The following PSMD1 variants were observed in gnomAD, a reference collection of about 807,000 sequenced individuals.
The protein encoded by PSMD1 is proteasome 26S subunit, non-ATPase 1.
A neutral mutation model predicts 119.0 loss-of-function variants in PSMD1; 18 were observed. That is an observed-to-expected ratio of 0.15 (90% CI 0.10 to 0.22). PSMD1 has a LOEUF of 0.22. Ranked by LOEUF, PSMD1 falls within the 10% of genes least tolerant of loss-of-function variation. The pLI is 1.00. For missense variants in PSMD1, 702 were observed against 1,158.5 expected (o/e 0.61, Z 5.72); for synonymous variants, 374 against 396.6 (o/e 0.94, Z 0.68).
intron 7 of PSMD1, among the ~76,000 whole-genome samples, chr2:231,075,019 C>A (rs778079426): frequency 3.3e-5 from 5 of 152,174 alleles, no homozygotes; most frequent in Non-Finnish European, 7.4e-5. Context: ...TTTGTGGAGA[C>A]AAGGGTCTCA....
intron 4 of PSMD1, among the ~76,000 whole-genome samples, chr2:231,065,277 T>G (rs558491635): frequency 1.3e-5 from 2 of 149,116 alleles, no homozygotes; most frequent in African/African-American, 2.5e-5. Flanking sequence ...TGTTTTTTTG[T>G]TTTTTTTGTT....
At position 231,135,732 on chromosome 2, in the gene PSMD1, A is replaced by C. The variant is rs561056068; in HGVS notation, c.1884-3004A>C. 2.0e-5 allele frequency among the ~76,000 whole-genome samples: 3 copies of C among 152,262 alleles called. No individual in the cohort carries two copies. In the South Asian group the frequency reaches 6.2e-4, roughly 32 times the overall value. Reference sequence around the variant, plus strand: ...TTTAGCAAAACTAGAACTAGGACCTAGATCTTTAGTTTTCTAATATATTGC... The same window carrying C: ...TTTAGCAAAACTAGAACTAGGACCTCGATCTTTAGTTTTCTAATATATTGC... On this transcript the variant is annotated intron_variant, in intron 16 of 24. Coordinates refer to ENST00000308696, the MANE Select transcript of PSMD1 (RefSeq NM_002807.4).
At chr2:231,077,620 G>A (rs950728830) in intron 9 of PSMD1, among the ~76,000 whole-genome samples, 7 of 151,966 alleles carry the variant, frequency 4.6e-5, no homozygotes, top group African/African-American at 1.7e-4. Flanking sequence ...TGAGAGCAGC[G>A]ATTCTTACCT....
chr2:231,113,841 A>G (rs769030144), intron 16 of PSMD1: 1 of 1,614,166 alleles, frequency 6.2e-7, no homozygotes, highest in Non-Finnish European at 8.5e-7. Context: ...CTGAAATGGC[A>G]CAGAGATGCA....
At chr2:231,066,534 G>A (rs1693913719) in intron 4 of PSMD1, among the ~76,000 whole-genome samples, 1 of 152,168 alleles carries the variant, frequency 6.6e-6, no homozygotes, top group Non-Finnish European at 1.5e-5. Context: ...GGAGTAACAA[G>A]ATAGAAACTT....
chr2:231,124,166 C>T (rs1226507967), intron 16 of PSMD1: 1 of 191,360 alleles, frequency 5.2e-6, no homozygotes, highest in Non-Finnish European at 1.1e-5. Context: ...TTATTTTATT[C>T]ATTTCTGAAA....
rs547062091 is a variant in PSMD1 at position 231,136,420 on chromosome 2, G to A, written c.1884-2316G>A. ...ATGTAGGCCAAATAAAATCTGCTAC[G>A]GGCCAGATTGGGCCCTTGGGCCAAT... is the stretch of plus-strand genomic sequence containing the variant. On this transcript the variant is annotated intron_variant, in intron 16 of 24. Transcript: ENST00000308696. Among the ~76,000 whole-genome samples the A allele has an allele frequency of 5.9e-5, 9 of 152,256 alleles. No homozygotes were observed. The East Asian group carries it at 1.2e-3, about 20-fold the overall frequency.
intron 4 of PSMD1, among the ~76,000 whole-genome samples, chr2:231,064,932 G>T (rs1349611187): frequency 6.6e-6 from 1 of 151,800 alleles, no homozygotes; most frequent in African/African-American, 2.4e-5. Context: ...AAGATTTTGG[G>T]ATTACAGATG....
chr2:231,159,885 G>C (rs753252390), intron 19 of PSMD1, among the ~76,000 whole-genome samples: 1 of 152,188 alleles, frequency 6.6e-6, no homozygotes, highest in Admixed American at 6.5e-5. Flanking sequence ...CATAAGGAAC[G>C]TTCAGCCTAG....
chr2:231,070,245 A>G (rs41311315), intron 6 of PSMD1, 77 bp downstream of exon 6: 16,681 of 1,127,198 alleles, frequency 0.015, 244 homozygotes, highest in Non-Finnish European at 0.014. Context: ...ACATTTTATT[A>G]CTTTATATTA....
chr2:231,109,664 A>G (rs922658989), intron 16 of PSMD1, among the ~76,000 whole-genome samples: 13 of 152,232 alleles, frequency 8.5e-5, no homozygotes, highest in African/African-American at 3.1e-4. Context: ...AAGCTATAGT[A>G]TATCCATGAT....
chr2:231,164,785 G>T (rs748776212), intron 21 of PSMD1, among the ~76,000 whole-genome samples: 1 of 151,672 alleles, frequency 6.6e-6, no homozygotes, highest in Non-Finnish European at 1.5e-5. Context: ...TACAACCAGC[G>T]CTGAAGGAAA....
intron 2 of PSMD1, among the ~76,000 whole-genome samples, chr2:231,061,794 T>C (rs1440235567): frequency 6.6e-6 from 1 of 152,118 alleles, no homozygotes; most frequent in African/African-American, 2.4e-5. Flanking sequence ...AAACTCCTGC[T>C]CCTGGGCTCA....
At chr2:231,085,642 T>G (rs1694413629) in intron 15 of PSMD1, among the ~76,000 whole-genome samples, 1 of 147,236 alleles carries the variant, frequency 6.8e-6, no homozygotes. Context: ...AAGCAAACAA[T>G]CCCCCACCCC....
chr2:231,091,478 CT>C (rs111800585), intron 16 of PSMD1, among the ~76,000 whole-genome samples: 81 of 152,332 alleles, frequency 5.3e-4, no homozygotes, highest in African/African-American at 1.8e-3. Context: ...CCTTCCTTTT[CT>C]GCTTTTTACA....
intron 16 of PSMD1, among the ~76,000 whole-genome samples, chr2:231,104,897 T>TC: frequency 6.6e-6 from 1 of 152,276 alleles, no homozygotes; most frequent in East Asian, 1.9e-4. Flanking sequence ...TAGCATGCTC[T>TC]CCATCTTTTT....
chr2:231,064,502 T>C (rs1462304714), intron 4 of PSMD1, among the ~76,000 whole-genome samples: 2 of 152,194 alleles, frequency 1.3e-5, no homozygotes, highest in African/African-American at 4.8e-5. Flanking sequence ...TAAGGAAAAT[T>C]CCCCAAATGT....
intron 4 of PSMD1, among the ~76,000 whole-genome samples, chr2:231,066,243 T>C (rs1436927148): frequency 6.6e-6 from 1 of 152,236 alleles, no homozygotes; most frequent in African/African-American, 2.4e-5. Flanking sequence ...TTTTTGGAAA[T>C]CTTTGGAACT....
chr2:231,080,867 G>A (rs529159315), intron 12 of PSMD1, among the ~76,000 whole-genome samples: 2 of 152,310 alleles, frequency 1.3e-5, no homozygotes, highest in South Asian at 4.1e-4. Flanking sequence ...CCAGGGCTGG[G>A]CACGGTGGCT....
Sources: gnomAD v4.1 joint callset for allele counts (sites outside exome capture counted in the v4.1 genomes callset) on GRCh38, gnomAD v4.1.1 for gene constraint, MANE v1.5 for transcripts, NCBI Gene and HGNC (gene_info 2026-07-23, HGNC 2026-07-21) for gene names.